Variants in TSPAN2 observed in about 807,000 individuals in gnomAD.
TSPAN2 encodes tetraspanin-2.
In TSPAN2, 24 loss-of-function variants were observed where a neutral mutation model predicts 33.3. The observed-to-expected ratio is 0.72, with a 90% CI of 0.52 to 1.01. The LOEUF (loss-of-function observed/expected upper bound fraction) is 1.01, where lower values mean the gene tolerates loss of function less well. Ranked by LOEUF, TSPAN2 falls within the 50% of genes least tolerant of loss-of-function variation. TSPAN2 has a pLI of 0.00. For missense variants in TSPAN2, 278 were observed against 281.3 expected (o/e 0.99, Z 0.08); for synonymous variants, 114 against 104.5 (o/e 1.09, Z -0.56).
intron 2 of TSPAN2, among the ~76,000 whole-genome samples, chr1:115,067,793 C>T (rs1276437550): frequency 6.6e-6 from 1 of 152,176 alleles, no homozygotes; most frequent in Non-Finnish European, 1.5e-5. Flanking sequence ...ATCCTCTGCT[C>T]ACAGACATGA....
chr1:115,081,423 G>A (rs1054671196), intron 1 of TSPAN2, among the ~76,000 whole-genome samples: 1 of 152,152 alleles, frequency 6.6e-6, no homozygotes, highest in African/African-American at 2.4e-5. Flanking sequence ...TACACATCCT[G>A]GAATATCTGC....
At chr1:115,080,385 T>A (rs1038347953) in intron 1 of TSPAN2, among the ~76,000 whole-genome samples, 1 of 152,040 alleles carries the variant, frequency 6.6e-6, no homozygotes, top group African/African-American at 2.4e-5. Flanking sequence ...CCAGGCTCAA[T>A]CCATCCTCCC....
At chr1:115,081,128 G>A (rs1032933118) in intron 1 of TSPAN2, among the ~76,000 whole-genome samples, 7 of 152,232 alleles carry the variant, frequency 4.6e-5, no homozygotes, top group East Asian at 1.9e-4. Flanking sequence ...AAGTTAGCAT[G>A]GGTGGAATCT....
chr1:115,054,715 C>A (rs914544021), intron 6 of TSPAN2, among the ~76,000 whole-genome samples: 1 of 152,074 alleles, frequency 6.6e-6, no homozygotes, highest in South Asian at 2.1e-4. Flanking sequence ...TGGCTGGGCG[C>A]GGTGGCTCAA....
rs1570961680 is a variant in TSPAN2 at position 115,050,004 on chromosome 1, A to G, written c.*486T>C. ...ACCCAACTTAGACACAGTCAGTTTT[A>G]ACACTCCATTGTGATCTCTCAATTC... On this transcript the variant is annotated 3_prime_UTR_variant, in exon 8 of 8. Coordinates refer to ENST00000369516, the MANE Select transcript of TSPAN2 (RefSeq NM_005725.6). The G allele has an allele frequency of 5.3e-6, 1 of 187,250 alleles. No homozygotes were observed. Among genetic ancestry groups the G allele is most frequent in the East Asian group, 1.8e-4 (1 of 5,682 alleles). The allele number at this position is 187,250 out of a possible 1,614,324, so 11.6% of individuals were successfully genotyped here.
At chr1:115,083,402 T>C (rs1191749566) in intron 1 of TSPAN2, among the ~76,000 whole-genome samples, 1 of 152,020 alleles carries the variant, frequency 6.6e-6, no homozygotes, top group East Asian at 1.9e-4. Context: ...AGAGACTTAA[T>C]AAAGGTAAAG....
chr1:115,086,146 A>T (rs1190701365), intron 1 of TSPAN2, among the ~76,000 whole-genome samples: 1 of 152,184 alleles, frequency 6.6e-6, no homozygotes, highest in Non-Finnish European at 1.5e-5. Flanking sequence ...CAAAAATAAT[A>T]ATTAATATTT....
In TSPAN2 at chr1:115,057,585, G is replaced by A; in HGVS notation, c.468C>T (p.Ser156=). 1 of 1,614,138 alleles carries A rather than the reference G, an allele frequency of 6.2e-7. No individual in the cohort carries two copies. Among genetic ancestry groups the A allele is most frequent in the Non-Finnish European group, 8.5e-7 (1 of 1,180,010 alleles). ...HSTFQCCGKE[S]SEQVQPTCPK... ...GGCATGTAGGTTGGACCTGTTCGGA[G>A]CTTTCTTTTCCACAGCACTGAAACT... The change falls in exon 6 of 8, where the codon AGC becomes AGT. Residue 156 remains serine (S), a synonymous_variant. Transcript: ENST00000369516.
rs549707456 is a variant in TSPAN2, at chr1:115,076,047, A to G, written c.70-3040T>C. On this transcript the variant is annotated intron_variant, in intron 1 of 7. Transcript: ENST00000369516. Reference sequence around the variant, plus strand: ...GATAGTCACATAAAGTACTAAGTGCACTATAATGCAGGAAGTGTGCTGAAG... The same window carrying G: ...GATAGTCACATAAAGTACTAAGTGCGCTATAATGCAGGAAGTGTGCTGAAG... 3.9e-5 allele frequency among the ~76,000 whole-genome samples: 6 copies of G among 152,332 alleles called. No homozygotes were observed. The East Asian group carries it at 1.2e-3, about 29-fold the overall frequency.
At chr1:115,073,490 A>G (rs1648270946) in intron 1 of TSPAN2, among the ~76,000 whole-genome samples, 1 of 151,138 alleles carries the variant, frequency 6.6e-6, no homozygotes, top group Non-Finnish European at 1.5e-5. Context: ...CTGAATGGGA[A>G]GAAAATACAG....
At chr1:115,056,693 C>T (rs553805518) in intron 6 of TSPAN2, among the ~76,000 whole-genome samples, 1 of 152,332 alleles carries the variant, frequency 6.6e-6, no homozygotes, top group East Asian at 1.9e-4. Flanking sequence ...GTTGCACATT[C>T]CATGCATTCC....
chr1:115,059,925 A>G (rs533469404), intron 4 of TSPAN2, among the ~76,000 whole-genome samples: 1 of 152,282 alleles, frequency 6.6e-6, no homozygotes, highest in East Asian at 1.9e-4. Flanking sequence ...ATTCTCTTCT[A>G]TCCCACAGTG....
At chr1:115,057,458 C>T in intron 6 of TSPAN2, 79 bp downstream of exon 6, 1 of 1,367,104 alleles carries the variant, frequency 7.3e-7, no homozygotes, top group South Asian at 1.2e-5. Context: ...CAGATCCCAT[C>T]CGAGATTCTA....
chr1:115,085,665 C>G (rs941824975), intron 1 of TSPAN2, among the ~76,000 whole-genome samples: 1 of 152,042 alleles, frequency 6.6e-6, no homozygotes, highest in African/African-American at 2.4e-5. Flanking sequence ...GCCCTCCAAC[C>G]ACAAAAAAAC....
chr1:115,056,363 C>T (rs560934038), intron 6 of TSPAN2, among the ~76,000 whole-genome samples: 82 of 152,292 alleles, frequency 5.4e-4, no homozygotes, highest in African/African-American at 1.7e-3. Context: ...GAAACCTGGG[C>T]TCTGTCCTCA....
At chr1:115,058,426 T>G (rs191355563) in intron 5 of TSPAN2, 47 of 223,938 alleles carry the variant, frequency 2.1e-4, no homozygotes, top group Non-Finnish European at 3.2e-4. Context: ...GACCCTTCAT[T>G]CTACAAATGA....
chr1:115,061,443 G>A (rs1022773944), intron 3 of TSPAN2, among the ~76,000 whole-genome samples: 1 of 152,154 alleles, frequency 6.6e-6, no homozygotes, highest in Admixed American at 6.5e-5. Flanking sequence ...AGGGATTTTG[G>A]TTAAGTTATT....
intron 1 of TSPAN2, 53 bp downstream of exon 1, chr1:115,089,311 C>G: frequency 1.4e-6 from 2 of 1,399,790 alleles, no homozygotes; most frequent in Non-Finnish European, 1.9e-6. Context: ...CCCGGCCCCG[C>G]GCCCGCCACC....
In TSPAN2 at chr1:115,053,473, GA is replaced by G; in HGVS notation, c.517-12del. ...TTCATCGATGCAATTCTGTTTTGAG[GA>G]AAAAAAGTCGGGAATAAAAACTGAT... On this transcript the variant is annotated splice_polypyrimidine_tract_variant and intron_variant, in intron 6 of 7. Transcript: ENST00000369516. 4 of 1,612,300 alleles carry G rather than the reference GA, an allele frequency of 2.5e-6. No homozygotes were observed. The highest frequency in any genetic ancestry group is 2.2e-5 in the East Asian group (1 of 44,814).
Sources: allele counts gnomAD v4.1 joint callset (sites outside exome capture counted in the v4.1 genomes callset), GRCh38; gene constraint gnomAD v4.1.1; transcripts MANE v1.5; gene names NCBI Gene and HGNC (gene_info 2026-07-23, HGNC 2026-07-21).